The following CARS2 variants were observed in gnomAD, a reference collection of about 807,000 sequenced individuals.
The protein encoded by CARS2 is cysteinyl-tRNA synthetase 2, mitochondrial.
A neutral mutation model predicts 68.8 loss-of-function variants in CARS2; 52 were observed. That is an observed-to-expected ratio of 0.76 (90% confidence interval 0.61 to 0.95). The LOEUF is 0.95. CARS2 is among the 40% of genes least tolerant of loss of function. The pLI is 0.00. For missense variants in CARS2, 780 were observed against 754.2 expected, an observed-to-expected ratio of 1.03 and a Z score of -0.40; for synonymous variants, 314 against 303.6, an observed-to-expected ratio of 1.03 and a Z score of -0.36.
At chr13:110,693,959 G>A (rs1031799553) in intron 3 of CARS2, among the ~76,000 whole-genome samples, 1 of 151,960 alleles carries the variant, frequency 6.6e-6, no homozygotes, top group African/African-American at 2.4e-5. Context: ...CAGTGTCCCG[G>A]CACACAAAAA....
intron 1 of CARS2, chr13:110,712,806 T>G: frequency 1.3e-6 from 1 of 786,512 alleles, no homozygotes; most frequent in Non-Finnish European, 2.2e-6. Flanking sequence ...CTCGGGCCTA[T>G]CCACCTCTTC....
rs1251556368 is a variant in CARS2, at chr13:110,668,766, CTA to C, written c.786-1295_786-1294del. On this transcript the variant is annotated intron_variant, in intron 7 of 14. Coordinates refer to ENST00000257347, the MANE Select transcript of CARS2 (RefSeq NM_024537.4). This position sits in a 1 kb window ranked among gnomAD's most constrained non-coding sequence, Gnocchi z 4.1. ...CTGAACTATGGGGCCACAACCTTCA[CTA>C]TGTTAGTTTCGCTCCTGATCTCTAC... 6.6e-6 allele frequency among the ~76,000 whole-genome samples: 1 copy of C among 152,174 alleles called. No individual in the cohort carries two copies. Among genetic ancestry groups the C allele is most frequent in the African/African-American group, 2.4e-5 (1 of 41,448 alleles).
At chr13:110,663,261 G>A (rs779838739) in intron 9 of CARS2, among the ~76,000 whole-genome samples, 190 bp downstream of exon 9, 2 of 152,080 alleles carry the variant, frequency 1.3e-5, no homozygotes, top group Non-Finnish European at 2.9e-5. Flanking sequence ...TGCGGGAGGC[G>A]CACAGCTGAG....
At chr13:110,696,249 A>G (rs2139902544) in intron 3 of CARS2, among the ~76,000 whole-genome samples, 1 of 151,610 alleles carries the variant, frequency 6.6e-6, no homozygotes, top group African/African-American at 2.4e-5. Context: ...ATGTGTCTTT[A>G]TAGTAGAATG....
At chr13:110,673,164 T>A (rs9645874) in intron 7 of CARS2, among the ~76,000 whole-genome samples, 2 of 151,794 alleles carry the variant, frequency 1.3e-5, no homozygotes, top group Non-Finnish European at 2.9e-5. Flanking sequence ...CCATTCCTTC[T>A]GAAATTATTA....
At position 110,644,385 on chromosome 13, in the gene CARS2, C is replaced by A; in HGVS notation, c.1416G>T (p.Gln472His). ...ETVGISLANQ[Q>H]YVSGDGSEAT... ...AAGCATTTAAAATAATAGGACCTAC[C>A]TGTTGATTTGCCAGAGAAATTCCAA... is the stretch of plus-strand genomic sequence containing the variant. Residue 472 changes from glutamine to histidine, a missense_variant and splice_region_variant, in exon 13 of 15, where the codon CAG (glutamine) becomes CAT (histidine). Coordinates refer to ENST00000257347, the MANE Select transcript of CARS2 (RefSeq NM_024537.4). 1 of 1,612,748 alleles carries A rather than the reference C, an allele frequency of 6.2e-7. No homozygotes were observed. The highest frequency in any genetic ancestry group is 1.1e-5 in the South Asian group (1 of 91,038).
intron 3 of CARS2, 32 bp downstream of exon 3, chr13:110,701,406 A>C (rs2063780897): frequency 3.0e-6 from 3 of 985,420 alleles, no homozygotes; most frequent in Admixed American, 3.4e-5. Flanking sequence ...AATCAATGGC[A>C]TTATCAATAG....
At chr13:110,712,993 ACT>A (rs1566375700) in intron 1 of CARS2, 2 of 1,547,664 alleles carry the variant, frequency 1.3e-6, no homozygotes, top group Admixed American at 1.9e-5. Flanking sequence ...TCTCCCGCGC[ACT>A]CTGCGGCCGC....
intron 2 of CARS2, among the ~76,000 whole-genome samples, chr13:110,703,062 C>A (rs2063836392): frequency 6.6e-6 from 1 of 152,152 alleles, no homozygotes; most frequent in African/African-American, 2.4e-5. Flanking sequence ...CAACTGACGC[C>A]CCATCCCTTC....
rs1456954419 is a variant in CARS2 at position 110,670,143 on chromosome 13, CT to C, written c.786-2671del. 3.3e-5 allele frequency among the ~76,000 whole-genome samples: 5 copies of C among 152,358 alleles called. No individual in the cohort carries two copies. The East Asian group carries it at 9.6e-4, about 29-fold the overall frequency. ...CTCCACCTCTGGGGACAGGGCATAG[CT>C]GAACAAAAGGCAGCAGAAACTTCTG... is the stretch of plus-strand genomic sequence containing the variant. On this transcript the variant is annotated intron_variant, in intron 7 of 14. Coordinates refer to ENST00000257347, the MANE Select transcript of CARS2 (RefSeq NM_024537.4). The surrounding 1 kb of genome is among the most constrained non-coding windows in gnomAD (Gnocchi z 4.1).
chr13:110,675,862 A>G (rs1205691074), intron 7 of CARS2, among the ~76,000 whole-genome samples: 1 of 152,202 alleles, frequency 6.6e-6, no homozygotes, highest in Non-Finnish European at 1.5e-5. Context: ...CCACGGTAAC[A>G]AACTAACCGT....
rs767988744 is a variant in CARS2 at position 110,651,056 on chromosome 13, G to A, written c.1032C>T (p.Cys344=). The A allele has an allele frequency of 5.9e-5, 95 of 1,613,208 alleles. No homozygotes were observed. The highest frequency in any genetic ancestry group is 8.0e-5 in the Non-Finnish European group (94 of 1,179,854). Residue 344 remains cysteine, a synonymous_variant, in exon 10 of 15, where the codon TGC becomes TGT. Coordinates refer to ENST00000257347, the MANE Select transcript of CARS2 (RefSeq NM_024537.4). The stretch of plus-strand genomic sequence containing the variant: ...CACCTGAGCGGTAGCTGCTCCGCAG[G>A]CAGAAGAACCGGAAGACATCGGGGG... ...TFSPDVFRFF[C]LRSSYRSAID...
chr13:110,646,816 C>G, intron 11 of CARS2: 1 of 366,198 alleles, frequency 2.7e-6, no homozygotes, highest in Non-Finnish European at 5.0e-6. Flanking sequence ...TGACCCCACA[C>G]CTCCTGTCCA....
At chr13:110,711,110 T>C (rs893273374), upstream of CARS2, among the ~76,000 whole-genome samples, 3 of 152,236 alleles carry the variant, frequency 2.0e-5, no homozygotes, top group African/African-American at 7.2e-5. Flanking sequence ...ATTACTTATA[T>C]GCTTTTTGAG....
chr13:110,642,492 GGT>G lies in CARS2; in HGVS notation c.1444_1445del (p.Thr482LeufsTer115). On this transcript the variant is annotated frameshift_variant, in exon 14 of 15. Coordinates refer to ENST00000257347, the MANE Select transcript of CARS2 (RefSeq NM_024537.4). LOFTEE classifies it high-confidence loss of function. The part of the protein sequence containing the change: ...QYVSGDGSEA[T>X]LHGVVDELVR... ...CCAGCTCGTCCACCACACCATGCAA[GGT>G]AGCCTCGCTGCCGTCTCCTGAAACG... The G allele has an allele frequency of 6.2e-6, 10 of 1,609,086 alleles. No homozygotes were observed. Among genetic ancestry groups the G allele is most frequent in the Non-Finnish European group, 7.6e-6 (9 of 1,178,172 alleles).
In CARS2 at chr13:110,699,261, G is replaced by T. The variant is rs919640854; in HGVS notation, c.393+2177C>A. 3.3e-5 allele frequency among the ~76,000 whole-genome samples: 5 copies of T among 152,206 alleles called. No homozygotes were observed. The East Asian group carries it at 9.6e-4, about 29-fold the overall frequency. On this transcript the variant is annotated intron_variant, in intron 3 of 14. Transcript: ENST00000257347. The stretch of plus-strand genomic sequence containing the variant: ...CACAAAACAGACTAAGACAAACACC[G>T]TCTAATGCTCTTGGAGGGTCAAACT...
chr13:110,647,371 C>G lies in CARS2; in HGVS notation c.1055-132G>C. On this transcript the variant is annotated intron_variant, in intron 10 of 14. Transcript: ENST00000257347. ...CGGAGAGCGGGACATGTGGCTCTCA[C>G]GCCCTCCAGTGACCGCGAGTCCCTA... The G allele has an allele frequency of 2.6e-6, 3 of 1,133,798 alleles. No homozygotes were observed. In the South Asian group the frequency reaches 4.6e-5, roughly 17 times the overall value. 70.2% of individuals were successfully genotyped at this position (1,133,798 alleles called of 1,614,324 possible).
intron 10 of CARS2, chr13:110,650,543 T>A (rs1311491567): frequency 1.3e-5 from 2 of 153,848 alleles, no homozygotes; most frequent in East Asian, 1.9e-4. Context: ...GCTAGACAAC[T>A]CCTGGCCAAG....
chr13:110,641,662 A>C, intron 14 of CARS2, 54 bp from the exon 15 acceptor site: 3 of 1,427,092 alleles, frequency 2.1e-6, no homozygotes, highest in Non-Finnish European at 2.0e-6. Flanking sequence ...CATGTGGCAC[A>C]GGGGGCTGAC....
Sources: gnomAD v4.1 joint callset for allele counts (sites outside exome capture counted in the v4.1 genomes callset) on GRCh38, gnomAD v4.1.1 for gene constraint, Gnocchi (gnomAD v3.1) non-coding constraint, MANE v1.5 for transcripts, NCBI Gene and HGNC (gene_info 2026-07-23, HGNC 2026-07-21) for gene names.